The following LPIN2 variants were observed in gnomAD, a reference collection of about 807,000 sequenced individuals.
LPIN2 encodes lipin 2, also known as phosphatidate phosphatase LPIN2.
In LPIN2, 55 loss-of-function variants were observed where a neutral mutation model predicts 111.4. That is an observed-to-expected ratio of 0.49 (90% CI 0.40 to 0.62). The LOEUF (loss-of-function observed/expected upper bound fraction) is 0.62. LPIN2 is among the 20% of genes least tolerant of loss of function. LPIN2 has a pLI of 0.00. For missense variants in LPIN2, 992 were observed against 1,112.1 expected, an observed-to-expected ratio of 0.89 and a Z score of 1.54; for synonymous variants, 425 against 414.0, an observed-to-expected ratio of 1.03 and a Z score of -0.32.
intron 1 of LPIN2, among the ~76,000 whole-genome samples, chr18:2,963,009 G>A (rs1306908682): frequency 1.3e-5 from 2 of 152,186 alleles, no homozygotes; most frequent in Admixed American, 1.3e-4. Flanking sequence ...ATGGTTAAGG[G>A]ATGTGCTGTT....
intron 1 of LPIN2, among the ~76,000 whole-genome samples, chr18:3,005,358 AAAAAAGAAAAAG>A (rs745590942): frequency 3.3e-5 from 5 of 151,934 alleles, no homozygotes; most frequent in Non-Finnish European, 5.9e-5. Flanking sequence ...TCTCAAAAAA[AAAAAAGAAAAAG>A]AAAAAGAAAA....
At chr18:2,954,665 A>G in intron 2 of LPIN2, 66 bp from the exon 3 acceptor site, 1 of 1,101,374 alleles carries the variant, frequency 9.1e-7, no homozygotes, top group Middle Eastern at 2.0e-4. Context: ...ACTAAACCAG[A>G]ACTCTGAGTT....
intron 16 of LPIN2, among the ~76,000 whole-genome samples, chr18:2,923,159 G>A (rs2077080268): frequency 6.6e-6 from 1 of 152,086 alleles, no homozygotes; most frequent in Non-Finnish European, 1.5e-5. Flanking sequence ...AATAGCTCAT[G>A]CCTGTAATCC....
chr18:2,922,223 G>T, intron 16 of LPIN2, 24 bp from the exon 17 acceptor site: 1 of 1,611,500 alleles, frequency 6.2e-7, no homozygotes, highest in African/African-American at 1.3e-5. Flanking sequence ...CACCCTGTTA[G>T]CCCACATGTT....
intron 3 of LPIN2, among the ~76,000 whole-genome samples, chr18:2,953,839 T>C (rs532664612): frequency 2.2e-4 from 33 of 152,136 alleles, no homozygotes; most frequent in Non-Finnish European, 4.6e-4. Flanking sequence ...AAATCTATTA[T>C]TAATAAATAA....
intron 1 of LPIN2, among the ~76,000 whole-genome samples, chr18:2,961,844 T>TC (rs1198603900): frequency 6.6e-6 from 1 of 152,126 alleles, no homozygotes; most frequent in African/African-American, 2.4e-5. Flanking sequence ...CAAGAGCCCC[T>TC]CCAATGCTCC....
At chr18:2,996,495 T>TTTTTTTTTTTTTTG (rs1383642994) in intron 1 of LPIN2, among the ~76,000 whole-genome samples, 9 of 104,224 alleles carry the variant, frequency 8.6e-5, no homozygotes, top group African/African-American at 3.4e-4. Context: ...TTTTTTTTTT[T>TTTTTTTTTTTTTTG]GAGACAGAGT....
chr18:2,988,228 C>T (rs1038343230), intron 1 of LPIN2, among the ~76,000 whole-genome samples: 1 of 152,030 alleles, frequency 6.6e-6, no homozygotes, highest in South Asian at 2.1e-4. Flanking sequence ...CACTCTATTT[C>T]CCCATCAGAA....
rs971303615 is a variant in LPIN2 at position 2,931,567 on chromosome 18, C to G, written c.1269-124G>C. ...CCGCTAAAAAGAACGGATGGACCTA[C>G]AATCAGGCATAACTTTTCTTAGATA... On this transcript the variant is annotated intron_variant, in intron 8 of 19. Coordinates refer to ENST00000677752, the MANE Select transcript of LPIN2 (RefSeq NM_001375808.2). The G allele has an allele frequency of 4.6e-6, 4 of 874,280 alleles. No homozygotes were observed. In the African/African-American group the frequency reaches 6.6e-5, roughly 14 times the overall value. 54.2% of individuals were successfully genotyped at this position (874,280 alleles called of 1,614,324 possible).
At chr18:2,931,710 A>G (rs181846160) in intron 8 of LPIN2, among the ~76,000 whole-genome samples, 1 of 152,366 alleles carries the variant, frequency 6.6e-6, no homozygotes, top group East Asian at 1.9e-4. Context: ...ACAATAATGC[A>G]AACATTTCAA....
intron 1 of LPIN2, chr18:2,990,856 C>A: frequency 2.2e-6 from 1 of 461,098 alleles, no homozygotes; most frequent in Non-Finnish European, 4.2e-6. Context: ...CCGGCAGGGA[C>A]AATGATACTA....
chr18:2,933,958 GT>G (rs1341337936), intron 8 of LPIN2, among the ~76,000 whole-genome samples: 2 of 152,200 alleles, frequency 1.3e-5, no homozygotes, highest in African/African-American at 4.8e-5. Context: ...CTCCCAAGAA[GT>G]GAACACATTC....
chr18:3,010,106 T>G (rs2078578026), intron 1 of LPIN2, among the ~76,000 whole-genome samples: 1 of 152,222 alleles, frequency 6.6e-6, no homozygotes, highest in Admixed American at 6.5e-5. Context: ...GGGTTGCCAC[T>G]GACTGCTTCA....
At chr18:2,942,403 G>C (rs575917944) in intron 4 of LPIN2, among the ~76,000 whole-genome samples, 1 of 152,280 alleles carries the variant, frequency 6.6e-6, no homozygotes, top group East Asian at 1.9e-4. Context: ...GGACACATCA[G>C]CTTGACCCAT....
chr18:2,974,733 T>A (rs2077981432), intron 1 of LPIN2, among the ~76,000 whole-genome samples: 1 of 152,180 alleles, frequency 6.6e-6, no homozygotes, highest in Non-Finnish European at 1.5e-5. Context: ...GGCTCACACT[T>A]GTAATCCCAG....
intron 8 of LPIN2, among the ~76,000 whole-genome samples, 182 bp from the exon 9 acceptor site, chr18:2,931,625 G>C (rs2077215246): frequency 6.6e-6 from 1 of 152,172 alleles, no homozygotes; most frequent in Non-Finnish European, 1.5e-5. Flanking sequence ...TGACATGAAA[G>C]ATAACCTAAT....
rs1218985888 is a variant in LPIN2, at chr18:2,940,496, T to C, written c.698+109A>G. ...ATGTTACAAGTAAACATTCAGTTCCTTGGCTGTGTGAGAGAAATGGGAAAT... is the reference window on the plus strand; with the variant it reads ...ATGTTACAAGTAAACATTCAGTTCCCTGGCTGTGTGAGAGAAATGGGAAAT... On this transcript the variant is annotated intron_variant, in intron 5 of 19. Coordinates refer to ENST00000677752, the MANE Select transcript of LPIN2 (RefSeq NM_001375808.2). 24 of 692,924 alleles carry C rather than the reference T, an allele frequency of 3.5e-5. No homozygotes were observed. In the Middle Eastern group the frequency reaches 1.1e-3, roughly 33 times the overall value. The allele number at this position is 692,924 out of a possible 1,614,324, so 42.9% of individuals were successfully genotyped here.
Position 2,960,739 on chromosome 18 carries a change from G to T in LPIN2, c.102C>A (p.Ile34=). ...AGCTGCCATCCTGCTGCTGTACCACGATGACATCAATGCACCCAGAGAGGG... is the reference window on the plus strand; with the variant it reads ...AGCTGCCATCCTGCTGCTGTACCACTATGACATCAATGCACCCAGAGAGGG... ...QATLSGCIDV[I]VVQQQDGSYQ... is the part of the protein sequence containing the mutation. Residue 34 remains isoleucine, a synonymous_variant, in exon 2 of 20, where the codon ATC becomes ATA. Transcript: ENST00000677752. 6.2e-7 allele frequency: 1 copy of T among 1,614,066 alleles called. No homozygotes were observed. The highest frequency in any genetic ancestry group is 8.5e-7 in the Non-Finnish European group (1 of 1,180,010).
intron 1 of LPIN2, among the ~76,000 whole-genome samples, chr18:3,006,665 G>A (rs900922167): frequency 3.3e-5 from 5 of 152,130 alleles, no homozygotes; most frequent in Admixed American, 6.5e-5. Flanking sequence ...GTGAAACCCC[G>A]TCTCTACTAA....
Sources: allele counts gnomAD v4.1 joint callset (sites outside exome capture counted in the v4.1 genomes callset), GRCh38; gene constraint gnomAD v4.1.1; transcripts MANE v1.5; gene names NCBI Gene and HGNC (gene_info 2026-07-23, HGNC 2026-07-21).